Variants in MEAF6 observed in about 807,000 individuals in gnomAD.
The protein encoded by MEAF6 is chromatin modification-related protein MEAF6.
MEAF6 carries 15 observed loss-of-function variants against 28.9 expected under a neutral mutation model. The ratio of observed to expected loss-of-function variants is 0.52; its 90% confidence interval spans 0.35 to 0.80. MEAF6 has a LOEUF of 0.80. MEAF6 is among the 30% of genes least tolerant of loss of function. The pLI, the probability that MEAF6 is intolerant of heterozygous loss-of-function variation, is 0.01. For missense variants in MEAF6, 178 were observed against 237.5 expected (o/e 0.75, Z 1.65); for synonymous variants, 97 against 88.7 (o/e 1.09, Z -0.53).
At chr1:37,495,720 C>CAACAAAAAAAAAAAAA (rs1642111041) in intron 6 of MEAF6, among the ~76,000 whole-genome samples, 165 bp downstream of exon 6, 1 of 86,552 alleles carries the variant, frequency 1.2e-5, no homozygotes, top group Non-Finnish European at 2.7e-5. Flanking sequence ...AAAAAAAAAA[C>CAACAAAAAAAAAAAAA]AAAAAAACCA....
At chr1:37,509,207 G>A in intron 4 of MEAF6, 71 bp downstream of exon 4, 1 of 1,300,380 alleles carries the variant, frequency 7.7e-7, no homozygotes, top group African/African-American at 1.5e-5. Flanking sequence ...ATACACAATT[G>A]GATGAATTAA....
chr1:37,494,245 G>A (rs996436743), intron 6 of MEAF6, 138 bp from the exon 7 acceptor site: 13 of 755,780 alleles, frequency 1.7e-5, no homozygotes, highest in Non-Finnish European at 2.4e-5. Context: ...GCCAGGCACA[G>A]TGGCTCACAC....
At chr1:37,503,958 C>CAAAA (rs539856436) in intron 4 of MEAF6, among the ~76,000 whole-genome samples, 3 of 151,766 alleles carry the variant, frequency 2.0e-5, no homozygotes, top group Admixed American at 1.3e-4. Context: ...GACTCCATCT[C>CAAAA]AAAAAAAAGA....
At position 37,513,529 on chromosome 1, in the gene MEAF6, C is replaced by T; in HGVS notation, c.100G>A (p.Ala34Thr). The T allele has an allele frequency of 3.7e-6, 6 of 1,613,396 alleles. No homozygotes were observed. The highest frequency in any genetic ancestry group is 5.1e-6 in the Non-Finnish European group (6 of 1,179,336). Residue 34 changes from alanine to threonine, a missense_variant, in exon 2 of 7, where the codon GCA becomes ACA. Around this residue, in one of 2 missense-constraint regions of MEAF6, gnomAD observed 124 missense variants for 200.5 expected, o/e 0.62. Coordinates refer to ENST00000296214, the MANE Select transcript of MEAF6 (RefSeq NM_001270875.3). ...GCATAGATCTGTCGCTCCAAATTTGCCAATGTTTCCTGAGAGATGAAAAAC... is the reference window on the plus strand; with the variant it reads ...GCATAGATCTGTCGCTCCAAATTTGTCAATGTTTCCTGAGAGATGAAAAAC... The part of the protein sequence containing the change: ...KRKQELAETL[A>T]NLERQIYAFE...
At chr1:37,498,087 G>T (rs540625675) in intron 5 of MEAF6, among the ~76,000 whole-genome samples, 17 of 152,248 alleles carry the variant, frequency 1.1e-4, no homozygotes, top group Non-Finnish European at 1.8e-4. Flanking sequence ...ACACCTTCCA[G>T]ACTAAAACAA....
intron 6 of MEAF6, among the ~76,000 whole-genome samples, chr1:37,495,093 G>A (rs1642072382): frequency 6.6e-6 from 1 of 151,976 alleles, no homozygotes; most frequent in Non-Finnish European, 1.5e-5. Context: ...CCAGCACTTT[G>A]GGAGGCTGAG....
intron 5 of MEAF6, chr1:37,496,739 G>A (rs1642139758): frequency 8.1e-6 from 13 of 1,597,584 alleles, no homozygotes; most frequent in Non-Finnish European, 1.1e-5. Flanking sequence ...CAGACGGGCT[G>A]AGGGGCAGCA....
At chr1:37,506,809 G>T (rs183981198) in intron 4 of MEAF6, among the ~76,000 whole-genome samples, 11 of 152,284 alleles carry the variant, frequency 7.2e-5, no homozygotes, top group Non-Finnish European at 1.2e-4. Context: ...CTCCTGAGTA[G>T]CTGGGACTAT....
chr1:37,501,785 T>G lies in MEAF6; in HGVS notation c.533+19A>C, dbSNP rs1258555849. 2 of 1,542,484 alleles carry G rather than the reference T, an allele frequency of 1.3e-6. No homozygotes were observed. The highest frequency in any genetic ancestry group is 3.7e-5 in the Admixed American group (2 of 54,574). ...GCAATGGTCATGGGAGCTGCGGGGG[T>G]GGGATCCCTGCCACTGACCTGTGCC... On this transcript the variant is annotated intron_variant, in intron 5 of 6. Coordinates refer to ENST00000296214, the MANE Select transcript of MEAF6 (RefSeq NM_001270875.3).
Position 37,492,235 on chromosome 1 carries a change from C to T in MEAF6, c.*1864G>A, listed in dbSNP as rs1348133883. Among the ~76,000 whole-genome samples, 1 of 151,796 alleles carries T rather than the reference C, an allele frequency of 6.6e-6. No homozygotes were observed. The highest frequency in any genetic ancestry group is 1.5e-5 in the Non-Finnish European group (1 of 67,954). ...AGTAGAGATGGGGTTTCACTGTGTTCGCCAGGATGGTCTCGATCTCCTGAC... is the reference window on the plus strand; with the variant it reads ...AGTAGAGATGGGGTTTCACTGTGTTTGCCAGGATGGTCTCGATCTCCTGAC... On this transcript the variant is annotated 3_prime_UTR_variant, in exon 7 of 7. Coordinates refer to ENST00000296214, the MANE Select transcript of MEAF6 (RefSeq NM_001270875.3).
At chr1:37,505,652 G>C (rs1029819239) in intron 4 of MEAF6, among the ~76,000 whole-genome samples, 3 of 152,132 alleles carry the variant, frequency 2.0e-5, no homozygotes, top group African/African-American at 7.2e-5. Flanking sequence ...CTGCCCTTCT[G>C]ATGTTCAAGA....
intron 5 of MEAF6, chr1:37,496,734 G>A (rs371042382): frequency 3.8e-6 from 6 of 1,596,464 alleles, no homozygotes; most frequent in African/African-American, 1.3e-5. Context: ...CATGCCAGAC[G>A]GGCTGAGGGG....
At chr1:37,510,825 C>A (rs577056664) in intron 2 of MEAF6, among the ~76,000 whole-genome samples, 27 of 151,616 alleles carry the variant, frequency 1.8e-4, no homozygotes, top group African/African-American at 6.3e-4. Flanking sequence ...CGAGTTCAAG[C>A]GATTCTCCTG....
intron 6 of MEAF6, among the ~76,000 whole-genome samples, 165 bp downstream of exon 6, chr1:37,495,715 AAAAAC>A (rs1557603980): frequency 7.5e-5 from 10 of 133,366 alleles, no homozygotes; most frequent in African/African-American, 2.7e-4. Context: ...AAAAAAAAAA[AAAAAC>A]AAAAAAACCA....
rs199836551 is a variant in MEAF6 at position 37,501,790 on chromosome 1, T to C, written c.533+14A>G. The C allele has an allele frequency of 6.5e-7, 1 of 1,548,062 alleles. No homozygotes were observed. On this transcript the variant is annotated intron_variant, in intron 5 of 6. Coordinates refer to ENST00000296214, the MANE Select transcript of MEAF6 (RefSeq NM_001270875.3). The stretch of plus-strand genomic sequence containing the variant: ...GGTCATGGGAGCTGCGGGGGTGGGA[T>C]CCCTGCCACTGACCTGTGCCGGTTT...
chr1:37,511,817 A>T (rs1350702830), intron 2 of MEAF6, among the ~76,000 whole-genome samples: 2 of 152,230 alleles, frequency 1.3e-5, no homozygotes, highest in East Asian at 3.8e-4. Context: ...GACTCTCCTC[A>T]ATCTTAAGAC....
intron 4 of MEAF6, among the ~76,000 whole-genome samples, chr1:37,508,274 CTTTTTTTTTTTT>C (rs577291632): frequency 7.2e-5 from 6 of 83,878 alleles, no homozygotes; most frequent in African/African-American, 1.8e-4. Flanking sequence ...ATGAGCATTT[CTTTTTTTTTTTT>C]TTTTTTTTTT....
At chr1:37,496,499 A>C in intron 5 of MEAF6, 1 of 1,016,164 alleles carries the variant, frequency 9.8e-7, no homozygotes, top group African/African-American at 1.7e-5. Flanking sequence ...AAAATGCATA[A>C]AAGTGAAGTT....
At chr1:37,499,699 GA>G (rs1241939363) in intron 5 of MEAF6, among the ~76,000 whole-genome samples, 2 of 152,128 alleles carry the variant, frequency 1.3e-5, no homozygotes, top group African/African-American at 4.8e-5. Flanking sequence ...CACTATTTGC[GA>G]AGCAGTAACT....
Sources: allele counts gnomAD v4.1 joint callset (sites outside exome capture counted in the v4.1 genomes callset), GRCh38; gene constraint gnomAD v4.1.1; regional missense constraint gnomAD v4.1.1; transcripts MANE v1.5; gene names NCBI Gene and HGNC (gene_info 2026-07-23, HGNC 2026-07-21).